Variants in ENOX1 observed in about 807,000 individuals in gnomAD.
ENOX1 encodes ecto-NOX disulfide-thiol exchanger 1, also known as candidate growth-related and time keeping constitutive hydroquinone (NADH) oxidase.
ENOX1 carries 42 observed loss-of-function variants against 82.5 expected under a neutral mutation model. The observed-to-expected ratio is 0.51, with a 90% CI of 0.40 to 0.66. The LOEUF (loss-of-function observed/expected upper bound fraction) is 0.66. Ranked by LOEUF, ENOX1 falls within the 30% of genes least tolerant of loss-of-function variation. ENOX1 has a pLI of 0.00. For synonymous variants in ENOX1, 271 were observed against 282.2 expected (o/e 0.96, Z 0.40); for missense variants, 608 against 811.6 (o/e 0.75, Z 3.05).
chr13:43,610,018 C>T, intron 2 of ENOX1: 1 of 380,836 alleles, frequency 2.6e-6, no homozygotes, highest in African/African-American at 2.2e-5. Context: ...TGAAATTTTG[C>T]ACCTTCTCAT....
At chr13:43,446,390 AG>A (rs1221519218) in intron 3 of ENOX1, among the ~76,000 whole-genome samples, 1 of 151,876 alleles carries the variant, frequency 6.6e-6, no homozygotes, top group Non-Finnish European at 1.5e-5. Context: ...TATTGCTCAG[AG>A]CTTTGTGGCC....
At chr13:43,510,966 T>C (rs1289687546) in intron 2 of ENOX1, among the ~76,000 whole-genome samples, 2 of 152,126 alleles carry the variant, frequency 1.3e-5, no homozygotes, top group African/African-American at 4.8e-5. Context: ...AATTCAGCAA[T>C]GTCCATACTG....
chr13:43,492,324 C>A (rs1466250703), intron 2 of ENOX1, among the ~76,000 whole-genome samples: 2 of 152,114 alleles, frequency 1.3e-5, no homozygotes, highest in Non-Finnish European at 2.9e-5. Context: ...TTGACTGAAG[C>A]CTTGTGAGAG....
At chr13:43,718,079 C>A (rs2088276494) in intron 1 of ENOX1, among the ~76,000 whole-genome samples, 1 of 152,180 alleles carries the variant, frequency 6.6e-6, no homozygotes, top group Non-Finnish European at 1.5e-5. Context: ...GACACATGTA[C>A]TTATTAGTTC....
intron 2 of ENOX1, among the ~76,000 whole-genome samples, chr13:43,623,182 G>A (rs974089037): frequency 6.6e-6 from 1 of 152,152 alleles, no homozygotes; most frequent in Admixed American, 6.5e-5. Flanking sequence ...CAGGATACCT[G>A]CCTCCAACTA....
intron 1 of ENOX1, among the ~76,000 whole-genome samples, chr13:43,729,722 C>G (rs1485072078): frequency 6.6e-6 from 1 of 152,214 alleles, no homozygotes; most frequent in Non-Finnish European, 1.5e-5. Context: ...CAAAAGGAAG[C>G]AGATGACAGA....
At chr13:43,365,120 C>T (rs2050767275) in intron 5 of ENOX1, among the ~76,000 whole-genome samples, 1 of 152,212 alleles carries the variant, frequency 6.6e-6, no homozygotes, top group Non-Finnish European at 1.5e-5. Context: ...CTCACTTCTT[C>T]TCTCTTTGTC....
intron 5 of ENOX1, among the ~76,000 whole-genome samples, chr13:43,362,762 T>C (rs2050610977): frequency 6.6e-6 from 1 of 152,220 alleles, no homozygotes; most frequent in South Asian, 2.1e-4. Context: ...GGTTTACAGA[T>C]TCCGCCAGCT....
intron 5 of ENOX1, among the ~76,000 whole-genome samples, chr13:43,380,741 G>T (rs2153574914): frequency 6.6e-6 from 1 of 151,592 alleles, no homozygotes; most frequent in African/African-American, 2.4e-5. Context: ...TTAATGAAAA[G>T]AAAGCTGGAA....
At chr13:43,232,188 C>T (rs527445929) in intron 15 of ENOX1, among the ~76,000 whole-genome samples, 21 of 147,652 alleles carry the variant, frequency 1.4e-4, no homozygotes, top group Admixed American at 2.8e-4. Flanking sequence ...CCTGCCTTGG[C>T]CTCCCAAGGT....
chr13:43,229,419 C>T (rs2042176026), intron 15 of ENOX1, among the ~76,000 whole-genome samples: 1 of 152,142 alleles, frequency 6.6e-6, no homozygotes, highest in African/African-American at 2.4e-5. Flanking sequence ...ACATACAGTG[C>T]AAAGGCCCTG....
Position 43,220,752 on chromosome 13 carries a change from T to C in ENOX1, c.1800+3301A>G, listed in dbSNP as rs559886010. Among the ~76,000 whole-genome samples the C allele has an allele frequency of 8.3e-4, 127 of 152,264 alleles. 2 individuals are homozygous for C. In the South Asian group the frequency reaches 0.026, roughly 31 times the overall value. ...AGTGCTGTAATATCTAAAAAACCCATTCATTATAGTCTGTCTAAAGGATCA... is the reference window on the plus strand; with the variant it reads ...AGTGCTGTAATATCTAAAAAACCCACTCATTATAGTCTGTCTAAAGGATCA... On this transcript the variant is annotated intron_variant, in intron 16 of 16. Coordinates refer to ENST00000690772, the MANE Select transcript of ENOX1 (RefSeq NM_001347969.2).
intron 2 of ENOX1, among the ~76,000 whole-genome samples, chr13:43,536,362 G>T (rs2153691308): frequency 1.3e-5 from 2 of 152,236 alleles, no homozygotes; most frequent in South Asian, 4.1e-4. Context: ...AATGAAGCAG[G>T]TAACTAGCCT....
At chr13:43,505,581 C>T (rs192000382) in intron 2 of ENOX1, among the ~76,000 whole-genome samples, 123 of 152,026 alleles carry the variant, frequency 8.1e-4, no homozygotes, top group African/African-American at 2.7e-3. Flanking sequence ...TTATATCCTT[C>T]GCCCACTTTT....
chr13:43,417,193 A>AGGGAGACGGGAGACGGGAGACGGGAGAC (rs370036237), intron 3 of ENOX1, among the ~76,000 whole-genome samples: 1 of 132,714 alleles, frequency 7.5e-6, no homozygotes, highest in African/African-American at 2.8e-5. Context: ...TCAGCAACAG[A>AGGGAGACGGGAGACGGGAGACGGGAGAC]GGGAGACGGG....
chr13:43,546,655 C>T (rs2078987037), intron 2 of ENOX1: 1 of 152,218 alleles, frequency 6.6e-6, no homozygotes, highest in Non-Finnish European at 1.5e-5. Context: ...CTCACACCCC[C>T]AGCTTCTGCT....
intron 1 of ENOX1, among the ~76,000 whole-genome samples, chr13:43,697,068 T>G (rs1251766310): frequency 1.3e-5 from 2 of 152,156 alleles, no homozygotes; most frequent in African/African-American, 4.8e-5. Flanking sequence ...ACAAGATGAC[T>G]CTACGTTTTT....
intron 1 of ENOX1, among the ~76,000 whole-genome samples, chr13:43,679,313 G>A (rs553107688): frequency 7.9e-4 from 121 of 152,222 alleles, no homozygotes; most frequent in Non-Finnish European, 1.4e-3. Context: ...AGACACTGGG[G>A]AATGAACAAG....
At chr13:43,691,591 G>A (rs1322869846) in intron 1 of ENOX1, among the ~76,000 whole-genome samples, 2 of 151,584 alleles carry the variant, frequency 1.3e-5, no homozygotes, top group African/African-American at 4.9e-5. Flanking sequence ...TCACACTCAA[G>A]TCTCTGCCTA....
Sources: allele counts gnomAD v4.1 joint callset (sites outside exome capture counted in the v4.1 genomes callset), GRCh38; gene constraint gnomAD v4.1.1; transcripts MANE v1.5; gene names NCBI Gene and HGNC (gene_info 2026-07-23, HGNC 2026-07-21).